CCN4: variants seen among roughly 807,000 people sequenced by gnomAD.
The protein encoded by CCN4 is CCN family member 4.
In CCN4, 30 loss-of-function variants were observed where a neutral mutation model predicts 36.7. The ratio of observed to expected loss-of-function variants is 0.82; its 90% CI spans 0.61 to 1.11. The LOEUF is 1.11. CCN4 is among the 50% of genes least tolerant of loss of function. The pLI, the probability that CCN4 is intolerant of heterozygous loss-of-function variation, is 0.00. For synonymous variants in CCN4, 191 were observed against 195.4 expected, an observed-to-expected ratio of 0.98 and a Z score of 0.19; for missense variants, 505 against 504.9, an observed-to-expected ratio of 1.00 and a Z score of 0.00.
chr8:133,199,115 A>G (rs1853493158), intron 1 of CCN4, among the ~76,000 whole-genome samples: 1 of 152,216 alleles, frequency 6.6e-6, no homozygotes. Flanking sequence ...GAATTTGGCA[A>G]GAGGGCCTGG....
At chr8:133,226,026 T>C (rs949456377) in intron 4 of CCN4, among the ~76,000 whole-genome samples, 1 of 152,188 alleles carries the variant, frequency 6.6e-6, no homozygotes, top group Non-Finnish European at 1.5e-5. Context: ...CAATCTCTGC[T>C]CATCACTGAG....
intron 1 of CCN4, among the ~76,000 whole-genome samples, chr8:133,210,757 G>T (rs1035891248): frequency 1.1e-4 from 16 of 152,196 alleles, no homozygotes; most frequent in Admixed American, 3.3e-4. Context: ...GAGTTCACCG[G>T]CATTAACCTC....
chr8:133,191,319 G>C (rs1036667783), intron 1 of CCN4, 106 bp downstream of exon 1: 8 of 1,341,368 alleles, frequency 6.0e-6, no homozygotes, highest in Admixed American at 4.7e-5. Flanking sequence ...GGAAGGTTTG[G>C]GGCTGGAAGG....
intron 1 of CCN4, among the ~76,000 whole-genome samples, chr8:133,196,062 A>G (rs1427279200): frequency 6.6e-6 from 1 of 152,226 alleles, no homozygotes. Flanking sequence ...GTTTCAAAGC[A>G]AGGCTTCAGC....
At position 133,220,618 on chromosome 8, in the gene CCN4, C is replaced by T; in HGVS notation, c.387C>T (p.Arg129=). The T allele has an allele frequency of 1.2e-6, 2 of 1,614,160 alleles. No individual in the cohort carries two copies. The highest frequency in any genetic ancestry group is 1.7e-6 in the Non-Finnish European group (2 of 1,179,990). The change falls in exon 3 of 5, where the codon CGC becomes CGT. Residue 129 remains arginine, a synonymous_variant. Transcript: ENST00000250160. ...VGVGCVLDGV[R]YNNGQSFQPN... is the part of the protein sequence containing the mutation. Reference sequence around the variant, plus strand: ...TGGGCTGCGTCCTGGATGGGGTGCGCTACAACAACGGCCAGTCCTTCCAGC... The same window carrying T: ...TGGGCTGCGTCCTGGATGGGGTGCGTTACAACAACGGCCAGTCCTTCCAGC...
intron 2 of CCN4, among the ~76,000 whole-genome samples, chr8:133,214,364 G>C (rs10808607): frequency 0.013 from 2,039 of 151,590 alleles, 49 homozygotes; most frequent in African/African-American, 0.047. Flanking sequence ...ATTATGACCA[G>C]GTAAATATTG....
rs972534681 is a variant in CCN4 at position 133,230,217 on chromosome 8, A to G, written c.*2507A>G. 2.0e-5 allele frequency: 3 copies of G among 152,398 alleles called. No individual in the cohort carries two copies. Among genetic ancestry groups the G allele is most frequent in the East Asian group, 3.9e-4 (2 of 5,192 alleles). 9.4% of individuals were successfully genotyped at this position (152,398 alleles called of 1,614,324 possible). ...AGCCCGGAGGGCAAGTCTCAGACCC[A>G]TGGGTTGAAGCCATGGAGAAGGAAA... On this transcript the variant is annotated 3_prime_UTR_variant, in exon 5 of 5. Coordinates refer to ENST00000250160, the MANE Select transcript of CCN4 (RefSeq NM_003882.4).
chr8:133,227,232 C>T (rs1854768829), intron 4 of CCN4, among the ~76,000 whole-genome samples, 179 bp from the exon 5 acceptor site: 2 of 152,150 alleles, frequency 1.3e-5, no homozygotes, highest in Admixed American at 6.5e-5. Flanking sequence ...TACCCCTGTG[C>T]GGTATGCTGG....
At chr8:133,218,657 A>G (rs972913760) in intron 2 of CCN4, among the ~76,000 whole-genome samples, 4 of 152,192 alleles carry the variant, frequency 2.6e-5, no homozygotes, top group African/African-American at 9.7e-5. Flanking sequence ...CTGTTGGCCC[A>G]CTGCAGATTC....
intron 1 of CCN4, among the ~76,000 whole-genome samples, chr8:133,195,744 A>G (rs1853358037): frequency 6.6e-6 from 1 of 152,122 alleles, no homozygotes; most frequent in Non-Finnish European, 1.5e-5. Context: ...GCTGAGCAGC[A>G]CTCCTGGCTC....
At chr8:133,201,725 C>A (rs1853592813) in intron 1 of CCN4, among the ~76,000 whole-genome samples, 1 of 152,156 alleles carries the variant, frequency 6.6e-6, no homozygotes, top group Admixed American at 6.5e-5. Flanking sequence ...CATCTGTAAT[C>A]CCAGCTACTC....
rs16904857 is a variant in CCN4, at chr8:133,230,713, C to T, written c.*3003C>T. ...TTACATTCATACTTAGAGTGAATTA[C>T]TCAGGTGTGCTTAGGTGTGCAAAAG... On this transcript the variant is annotated 3_prime_UTR_variant, in exon 5 of 5. Transcript: ENST00000250160. 1 of 152,198 alleles carries T rather than the reference C, an allele frequency of 6.6e-6. No individual in the cohort carries two copies. The highest frequency in any genetic ancestry group is 2.4e-5 in the African/African-American group (1 of 41,434). The allele number at this position is 152,198 out of a possible 1,614,324, so 9.4% of individuals were successfully genotyped here.
intron 1 of CCN4, among the ~76,000 whole-genome samples, chr8:133,207,066 G>A (rs1489210327): frequency 4.6e-5 from 7 of 152,342 alleles, no homozygotes; most frequent in African/African-American, 1.7e-4. Context: ...AAGCACTTCA[G>A]ACTAGAGTCC....
At chr8:133,201,065 C>T (rs532533141) in intron 1 of CCN4, among the ~76,000 whole-genome samples, 3 of 152,308 alleles carry the variant, frequency 2.0e-5, no homozygotes, top group South Asian at 4.1e-4. Flanking sequence ...ATCCTCGTAG[C>T]CCTTACTTAG....
chr8:133,206,027 C>T (rs919767097), intron 1 of CCN4, among the ~76,000 whole-genome samples: 3 of 152,130 alleles, frequency 2.0e-5, no homozygotes, highest in Non-Finnish European at 2.9e-5. Context: ...GCTTAGGGGC[C>T]CGAGCTCCCG....
chr8:133,227,233 G>A (rs189330746), intron 4 of CCN4, among the ~76,000 whole-genome samples, 178 bp from the exon 5 acceptor site: 8 of 152,282 alleles, frequency 5.3e-5, no homozygotes, highest in Admixed American at 1.3e-4. Flanking sequence ...ACCCCTGTGC[G>A]GTATGCTGGA....
At position 133,230,160 on chromosome 8, in the gene CCN4, T is replaced by A. The variant is rs142427022; in HGVS notation, c.*2450T>A. On this transcript the variant is annotated 3_prime_UTR_variant, in exon 5 of 5. Coordinates refer to ENST00000250160, the MANE Select transcript of CCN4 (RefSeq NM_003882.4). The stretch of plus-strand genomic sequence containing the variant: ...GGTGGTCAGAATAACCCAGTCGCCA[T>A]TGGTTTTGAGAAACGGAACTATCTT... 7 of 152,254 alleles carry A rather than the reference T, an allele frequency of 4.6e-5. No individual in the cohort carries two copies. Among genetic ancestry groups the A allele is most frequent in the African/African-American group, 1.7e-4 (7 of 41,474 alleles). 9.4% of individuals were successfully genotyped at this position (152,254 alleles called of 1,614,324 possible). A position where few individuals can be genotyped will look rare whatever the true frequency, so the allele number is the denominator to read the frequency against.
intron 2 of CCN4, among the ~76,000 whole-genome samples, chr8:133,215,391 G>A (rs1483218518): frequency 3.3e-5 from 5 of 152,180 alleles, no homozygotes; most frequent in Non-Finnish European, 5.9e-5. Flanking sequence ...CCAGTTATAT[G>A]AGCTTGTCTC....
Position 133,227,724 on chromosome 8 carries a change from T to C in CCN4, c.*14T>C. 1 of 1,606,190 alleles carries C rather than the reference T, an allele frequency of 6.2e-7. No homozygotes were observed. Among genetic ancestry groups the C allele is most frequent in the Middle Eastern group, 1.7e-4 (1 of 5,992 alleles). On this transcript the variant is annotated 3_prime_UTR_variant, in exon 5 of 5. Transcript: ENST00000250160. ...ATTGCCAACTAGGCAGGCACAAATC[T>C]TGGGTCTTGGGGACTAACCCAATGC...
Sources: allele counts gnomAD v4.1 joint callset (sites outside exome capture counted in the v4.1 genomes callset), GRCh38; gene constraint gnomAD v4.1.1; transcripts MANE v1.5; gene names NCBI Gene and HGNC (gene_info 2026-07-23, HGNC 2026-07-21).